Variants in NEGR1 observed in about 807,000 individuals in gnomAD.
NEGR1 encodes IgLON family member 4.
NEGR1 carries 10 observed loss-of-function variants against 40.9 expected under a neutral mutation model. The ratio of observed to expected loss-of-function variants is 0.24; its 90% CI spans 0.15 to 0.42. The LOEUF (loss-of-function observed/expected upper bound fraction) is 0.42. NEGR1 is among the 10% of genes least tolerant of loss of function. The pLI, the probability that NEGR1 is intolerant of heterozygous loss-of-function variation, is 1.00. For missense variants in NEGR1, 352 were observed against 438.9 expected (o/e 0.80, Z 1.77); for synonymous variants, 185 against 166.8 (o/e 1.11, Z -0.84).
At chr1:71,828,184 C>A (rs1658709884) in intron 2 of NEGR1, among the ~76,000 whole-genome samples, 1 of 151,900 alleles carries the variant, frequency 6.6e-6, no homozygotes, top group Admixed American at 6.6e-5. Flanking sequence ...TATTGTAATT[C>A]TTTACCTCTC....
At chr1:71,523,923 C>CA (rs1411102671) in intron 6 of NEGR1, among the ~76,000 whole-genome samples, 1 of 151,610 alleles carries the variant, frequency 6.6e-6, no homozygotes, top group Non-Finnish European at 1.5e-5. Context: ...GACAGAAAAG[C>CA]AAAAATTAGA....
At chr1:71,492,641 A>G (rs1423688983) in intron 6 of NEGR1, among the ~76,000 whole-genome samples, 1 of 151,940 alleles carries the variant, frequency 6.6e-6, no homozygotes, top group Non-Finnish European at 1.5e-5. Flanking sequence ...TCAGATTTTT[A>G]TCTCTAAATA....
intron 1 of NEGR1, among the ~76,000 whole-genome samples, chr1:72,263,874 A>AT (rs1655550530): frequency 6.6e-6 from 1 of 151,522 alleles, no homozygotes; most frequent in African/African-American, 2.4e-5. Context: ...TTTTCAATAT[A>AT]TCATACTTTC....
intron 6 of NEGR1, among the ~76,000 whole-genome samples, chr1:71,557,448 A>G (rs1194676279): frequency 6.6e-6 from 1 of 151,688 alleles, no homozygotes; most frequent in Non-Finnish European, 1.5e-5. Context: ...AACGTCATGC[A>G]CTTGGAGAAA....
At chr1:71,937,465 G>A (rs1451125042) in intron 1 of NEGR1, among the ~76,000 whole-genome samples, 1 of 152,040 alleles carries the variant, frequency 6.6e-6, no homozygotes, top group Non-Finnish European at 1.5e-5. Context: ...TGCATCTATG[G>A]CCTTCGTATG....
At chr1:72,120,144 G>T (rs1043410581) in intron 1 of NEGR1, among the ~76,000 whole-genome samples, 1 of 151,888 alleles carries the variant, frequency 6.6e-6, no homozygotes, top group African/African-American at 2.4e-5. Flanking sequence ...CAGAGTCTAT[G>T]TCAGTGAACC....
At chr1:71,813,332 T>C (rs1488101370) in intron 2 of NEGR1, among the ~76,000 whole-genome samples, 1 of 152,150 alleles carries the variant, frequency 6.6e-6, no homozygotes, top group Non-Finnish European at 1.5e-5. Flanking sequence ...TTGGTTGCTG[T>C]AGCCTTATAG....
At chr1:71,800,958 T>C (rs900462007) in intron 2 of NEGR1, among the ~76,000 whole-genome samples, 2 of 152,214 alleles carry the variant, frequency 1.3e-5, no homozygotes, top group African/African-American at 4.8e-5. Flanking sequence ...GTAGTCATCA[T>C]ATAATTTTCT....
At chr1:72,110,541 G>A (rs972126661) in intron 1 of NEGR1, among the ~76,000 whole-genome samples, 1 of 151,358 alleles carries the variant, frequency 6.6e-6, no homozygotes, top group African/African-American at 2.4e-5. Flanking sequence ...ACTTTTCAAC[G>A]CTGAATTATT....
chr1:71,772,631 T>C (rs1328632963), intron 3 of NEGR1, among the ~76,000 whole-genome samples: 2 of 152,226 alleles, frequency 1.3e-5, no homozygotes, highest in Non-Finnish European at 2.9e-5. Flanking sequence ...AAACGTATGA[T>C]ACCAATGTTA....
intron 1 of NEGR1, among the ~76,000 whole-genome samples, chr1:72,238,473 A>C (rs1449085109): frequency 6.6e-6 from 1 of 151,766 alleles, no homozygotes; most frequent in Non-Finnish European, 1.5e-5. Flanking sequence ...TTTTTAAAAG[A>C]CACAGTCCCT....
intron 4 of NEGR1, among the ~76,000 whole-genome samples, chr1:71,656,659 C>G (rs145543850): frequency 1.3e-5 from 2 of 152,264 alleles, no homozygotes; most frequent in East Asian, 3.9e-4. Flanking sequence ...CTCGGCCTCC[C>G]GAAGTGCTGG....
intron 1 of NEGR1, among the ~76,000 whole-genome samples, chr1:72,131,899 C>T (rs1478275032): frequency 1.3e-5 from 2 of 152,098 alleles, no homozygotes; most frequent in Non-Finnish European, 2.9e-5. Context: ...GAGTTTGAGA[C>T]CAGCCTGGCC....
intron 2 of NEGR1, among the ~76,000 whole-genome samples, chr1:71,934,829 G>T (rs1645888882): frequency 6.6e-6 from 1 of 151,986 alleles, no homozygotes; most frequent in African/African-American, 2.4e-5. Context: ...ATGTGTGTAT[G>T]TGTGTGCGCG....
Position 72,127,463 on chromosome 1 carries a change from CAAAAAAAAAAAA to C in NEGR1, c.176+154844_176+154855del, listed in dbSNP as rs56301492. ...TGGGCGACAGAGCAAGGCTCTGTCT[CAAAAAAAAAAAA>C]AAAAAAAAAAAAAAAGGGAGAATTG... On this transcript the variant is annotated intron_variant, in intron 1 of 6. Coordinates refer to ENST00000357731, the MANE Select transcript of NEGR1 (RefSeq NM_173808.3). 5.1e-5 allele frequency among the ~76,000 whole-genome samples: 2 copies of C among 39,304 alleles called. 1 individual carries two copies. Among genetic ancestry groups the C allele is most frequent in the African/African-American group, 1.7e-4 (2 of 11,652 alleles). 25.8% of individuals were successfully genotyped at this position (39,304 alleles called of 152,430 possible). A position where few individuals can be genotyped will look rare whatever the true frequency, so the allele number is the denominator to read the frequency against.
At chr1:71,727,785 G>A (rs1654720491) in intron 3 of NEGR1, among the ~76,000 whole-genome samples, 2 of 152,148 alleles carry the variant, frequency 1.3e-5, no homozygotes, top group Non-Finnish European at 2.9e-5. Context: ...AAAGGCAAAA[G>A]CGATCTTATT....
At chr1:71,914,404 C>T (rs151079193) in intron 2 of NEGR1, among the ~76,000 whole-genome samples, 30 of 152,210 alleles carry the variant, frequency 2.0e-4, no homozygotes, top group African/African-American at 6.0e-4. Context: ...AAATGAGGTA[C>T]AAAGTTGTGC....
chr1:71,966,502 C>T (rs1019553131), intron 1 of NEGR1, among the ~76,000 whole-genome samples: 12 of 152,108 alleles, frequency 7.9e-5, no homozygotes, highest in African/African-American at 2.9e-4. Context: ...TCTATACCTA[C>T]TGATGGTTGC....
chr1:71,515,667 T>G (rs1305133789), intron 6 of NEGR1, among the ~76,000 whole-genome samples: 1 of 126,230 alleles, frequency 7.9e-6, no homozygotes, highest in Non-Finnish European at 1.6e-5. Flanking sequence ...CTGCATGAAC[T>G]AATGAGCAAA....
Sources: allele counts gnomAD v4.1 joint callset (sites outside exome capture counted in the v4.1 genomes callset), GRCh38; gene constraint gnomAD v4.1.1; transcripts MANE v1.5; gene names NCBI Gene and HGNC (gene_info 2026-07-23, HGNC 2026-07-21).